ANKRD66: variants seen among roughly 807,000 people sequenced by gnomAD.
ANKRD66 encodes ankyrin repeat domain-containing protein 66.
A neutral mutation model predicts 10.9 loss-of-function variants in ANKRD66; 10 were observed. The observed-to-expected ratio is 0.91, with a 90% CI of 0.56 to 1.55. The LOEUF is 1.55. ANKRD66 is among the 40% of genes most tolerant of loss of function. ANKRD66 has a pLI of 0.00. For synonymous variants in ANKRD66, 85 were observed against 88.4 expected, an observed-to-expected ratio of 0.96 and a Z score of 0.22; for missense variants, 252 against 242.9, an observed-to-expected ratio of 1.04 and a Z score of -0.25.
chr6:46,751,080 T>C (rs1766259357), intron 2 of ANKRD66, among the ~76,000 whole-genome samples: 1 of 152,242 alleles, frequency 6.6e-6, no homozygotes, highest in African/African-American at 2.4e-5. Flanking sequence ...ATAATTCTTA[T>C]TGTTTCATTT....
chr6:46,751,908 A>G, intron 2 of ANKRD66, 29 bp from the exon 3 acceptor site: 2 of 1,410,156 alleles, frequency 1.4e-6, no homozygotes. Context: ...GTTACATAGA[A>G]TTTCCTAAGT....
chr6:46,755,918 A>G (rs376393477), intron 4 of ANKRD66, among the ~76,000 whole-genome samples: 5 of 152,218 alleles, frequency 3.3e-5, no homozygotes, highest in African/African-American at 1.2e-4. Context: ...ATTGTGATGA[A>G]AAACTCATAA....
rs1554185852 is a variant in ANKRD66 at position 46,749,563 on chromosome 6, C to CT, written c.-96-333_-96-332insT. ...TTTCTCTTTTATTCCCCCCCCCCCC[C>CT]CCCCGCTTTTTTCTTTTCCTCTTGG... On this transcript the variant is annotated intron_variant, in intron 1 of 4. Coordinates refer to ENST00000565422, the MANE Select transcript of ANKRD66 (RefSeq NM_001162435.3). Among the ~76,000 whole-genome samples, 4 of 106,698 alleles carry CT rather than the reference C, an allele frequency of 3.7e-5. No individual in the cohort carries two copies. The Admixed American group carries it at 4.2e-4, about 11-fold the overall frequency. The allele number at this position is 106,698 out of a possible 152,430, so 70.0% of individuals were successfully genotyped here.
chr6:46,755,028 A>G (rs947989575), intron 4 of ANKRD66, among the ~76,000 whole-genome samples: 4 of 152,200 alleles, frequency 2.6e-5, no homozygotes, highest in Non-Finnish European at 5.9e-5. Flanking sequence ...CAGTTCCTGC[A>G]TTATCACCAG....
Position 46,758,821 on chromosome 6 carries a change from T to C in ANKRD66, c.491T>C (p.Leu164Pro), listed in dbSNP as rs1766429800. 1 of 1,551,546 alleles carries C rather than the reference T, an allele frequency of 6.4e-7. No homozygotes were observed. The highest frequency in any genetic ancestry group is 1.4e-5 in the African/African-American group (1 of 73,170). The change falls in exon 5 of 5, where the codon CTG (leucine) becomes CCG (proline). Residue 164 changes from leucine to proline, a missense_variant. Leu to Pro is a moderately conservative substitution (Grantham distance 98, BLOSUM62 -3). Transcript: ENST00000565422. ...GACTGGGATGCCAAGAAAAGGGAGC[T>C]GGAGCTGTCTCTTCCTTCCCTAAAT... is the stretch of plus-strand genomic sequence containing the variant. ...DEDWDAKKRE[L>P]ELSLPSLNQN...
chr6:46,754,564 G>T (rs1187570199), intron 4 of ANKRD66, among the ~76,000 whole-genome samples: 1 of 152,098 alleles, frequency 6.6e-6, no homozygotes. Context: ...CGATTGTTTC[G>T]ACAAGCAATT....
intron 1 of ANKRD66, 77 bp downstream of exon 1, chr6:46,747,067 A>G: frequency 7.0e-7 from 1 of 1,431,258 alleles, no homozygotes; most frequent in East Asian, 2.5e-5. Context: ...ACTGATATTT[A>G]TTGACTACTT....
At position 46,755,135 on chromosome 6, in the gene ANKRD66, G is replaced by A. The variant is rs193266733; in HGVS notation, c.392+1185G>A. On this transcript the variant is annotated intron_variant, in intron 4 of 4. Coordinates refer to ENST00000565422, the MANE Select transcript of ANKRD66 (RefSeq NM_001162435.3). ...TCTCACTAAATTTCCTCTACCATAT[G>A]AGTACCATAATACACTTCATTCTTC... Among the ~76,000 whole-genome samples the A allele has an allele frequency of 1.4e-3, 214 of 152,170 alleles. 1 individual carries two copies. Among genetic ancestry groups the A allele is most frequent in the African/African-American group, 4.9e-3 (204 of 41,508 alleles).
At chr6:46,749,759 A>C (rs1050073458) in intron 1 of ANKRD66, 137 bp from the exon 2 acceptor site, 2 of 1,000,804 alleles carry the variant, frequency 2.0e-6, no homozygotes, top group Non-Finnish European at 2.8e-6. Context: ...GACCCATCGC[A>C]TCAGGACCCA....
At chr6:46,754,144 C>G (rs1227729670) in intron 4 of ANKRD66, among the ~76,000 whole-genome samples, 194 bp downstream of exon 4, 1 of 151,826 alleles carries the variant, frequency 6.6e-6, no homozygotes, top group African/African-American at 2.4e-5. Flanking sequence ...GTTTAGGGGT[C>G]AAAACTATAT....
intron 1 of ANKRD66, among the ~76,000 whole-genome samples, chr6:46,747,499 T>C (rs772541020): frequency 6.6e-6 from 1 of 152,220 alleles, no homozygotes; most frequent in Non-Finnish European, 1.5e-5. Context: ...ATAGTCTACA[T>C]TCTAGCTATC....
intron 4 of ANKRD66, 62 bp from the exon 5 acceptor site, chr6:46,758,661 G>A (rs754861028): frequency 1.2e-5 from 17 of 1,446,158 alleles, no homozygotes; most frequent in Admixed American, 2.7e-5. Context: ...AATAAAGGCC[G>A]ATTCCCAGGC....
chr6:46,756,022 T>G (rs574329940), intron 4 of ANKRD66: 3 of 414,866 alleles, frequency 7.2e-6, no homozygotes, highest in East Asian at 1.5e-4. Context: ...CTTTTTCATC[T>G]TGTAAAACTG....
rs1403011974 is a variant in ANKRD66 at position 46,758,722 on chromosome 6, G to T, written c.393-1G>T. 1.3e-6 allele frequency: 2 copies of T among 1,544,742 alleles called. No homozygotes were observed. Among genetic ancestry groups the T allele is most frequent in the Non-Finnish European group, 1.7e-6 (2 of 1,145,066 alleles). On this transcript the variant is annotated splice_acceptor_variant, in intron 4 of 4. Transcript: ENST00000565422. LOFTEE classifies it high-confidence loss of function. ...TCAGAAGGCTCTCTCTTCTTTCCTA[G>T]GGCAGAGCCCGAGTGCCAGGACCAC...
intron 1 of ANKRD66, among the ~76,000 whole-genome samples, chr6:46,748,767 T>G (rs1270149120): frequency 1.3e-5 from 2 of 152,182 alleles, no homozygotes; most frequent in African/African-American, 2.4e-5. Context: ...TGAGAACAGC[T>G]GCCACATCCT....
chr6:46,748,002 G>A (rs1344654974), intron 1 of ANKRD66, among the ~76,000 whole-genome samples: 1 of 152,116 alleles, frequency 6.6e-6, no homozygotes, highest in Non-Finnish European at 1.5e-5. Flanking sequence ...AACTCAAAAC[G>A]GATCACAGAC....
chr6:46,757,814 A>G (rs1333926557), intron 4 of ANKRD66: 1 of 152,244 alleles, frequency 6.6e-6, no homozygotes, highest in Non-Finnish European at 1.5e-5. Flanking sequence ...TTAGACACTA[A>G]AAACAACCTA....
In ANKRD66 at chr6:46,753,929, C is replaced by G. The variant is rs1419675204; in HGVS notation, c.371C>G (p.Ala124Gly). ...KRIAQIYGQK[A>G]CVAFLEKAEP... ...ATTGCACAGATCTATGGACAGAAAG[C>G]CTGTGTGGCATTTCTGGAAAAGTAA... Residue 124 changes from alanine (A) to glycine (G), a missense_variant, in exon 4 of 5, where the codon GCC (alanine) becomes GGC (glycine). By Grantham distance (60) the Ala-to-Gly change is moderately conservative. Transcript: ENST00000565422. 3.2e-6 allele frequency: 5 copies of G among 1,551,260 alleles called. No homozygotes were observed. Among genetic ancestry groups the G allele is most frequent in the Admixed American group, 3.9e-5 (2 of 50,936 alleles).
chr6:46,749,266 C>T (rs897546234), intron 1 of ANKRD66, among the ~76,000 whole-genome samples: 3 of 152,196 alleles, frequency 2.0e-5, no homozygotes, highest in Non-Finnish European at 4.4e-5. Flanking sequence ...CTCCATGAGC[C>T]TCCATGTCTC....
Sources: allele counts gnomAD v4.1 joint callset (sites outside exome capture counted in the v4.1 genomes callset), GRCh38; gene constraint gnomAD v4.1.1; transcripts MANE v1.5; gene names NCBI Gene and HGNC (gene_info 2026-07-23, HGNC 2026-07-21).